Variants in CTNNA2 observed in about 807,000 individuals in gnomAD.
CTNNA2 encodes the protein catenin alpha 2, also known as catenin alpha-2.
A neutral mutation model predicts 101.0 loss-of-function variants in CTNNA2; 42 were observed. The ratio of observed to expected loss-of-function variants is 0.42; its 90% confidence interval spans 0.32 to 0.54. The LOEUF is 0.54. Among genes scored for constraint, CTNNA2 ranks in the 20% least tolerant of loss-of-function variants. The pLI is 0.14. For missense variants in CTNNA2, 871 were observed against 1,223.1 expected (o/e 0.71, Z 4.29); for synonymous variants, 450 against 456.4 (o/e 0.99, Z 0.18).
At position 79,471,560 on chromosome 2, in the gene CTNNA2, C is replaced by T. The variant is rs552692683; in HGVS notation, c.-134-33494C>T. On this transcript the variant is annotated intron_variant, in intron 4 of 21. Transcript: ENST00000466387. ...GAGGTTAAGATTTTAACATATCGGC[C>T]GGGTGCAGTGGCTCACGCCTGCAAT... is the stretch of plus-strand genomic sequence containing the variant. 1.6e-4 allele frequency among the ~76,000 whole-genome samples: 25 copies of T among 152,204 alleles called. No individual in the cohort carries two copies. In the East Asian group the frequency reaches 2.9e-3, roughly 18 times the overall value.
At chr2:79,479,826 G>A (rs1671089540) in intron 4 of CTNNA2, among the ~76,000 whole-genome samples, 1 of 152,066 alleles carries the variant, frequency 6.6e-6, no homozygotes, top group African/African-American at 2.4e-5. Context: ...CGGAGGCTGA[G>A]GCAGGAGAAT....
intron 2 of CTNNA2, among the ~76,000 whole-genome samples, chr2:79,735,320 T>C (rs1487676216): frequency 1.3e-5 from 2 of 152,168 alleles, no homozygotes; most frequent in Admixed American, 1.3e-4. Flanking sequence ...AAGGCTGCTG[T>C]ACTTTGTCTT....
At chr2:80,131,011 G>T (rs1702385462) in intron 7 of CTNNA2, among the ~76,000 whole-genome samples, 1 of 151,724 alleles carries the variant, frequency 6.6e-6, no homozygotes, top group Non-Finnish European at 1.5e-5. Context: ...AAAGCATATG[G>T]TTTAGTTCAT....
intron 3 of CTNNA2, among the ~76,000 whole-genome samples, chr2:79,768,309 C>T (rs1219713703): frequency 6.6e-6 from 1 of 151,064 alleles, no homozygotes; most frequent in Non-Finnish European, 1.5e-5. Context: ...AGAAAAGTCT[C>T]ATAGTACCTG....
At chr2:79,387,980 T>C (rs957339297) in intron 4 of CTNNA2, among the ~76,000 whole-genome samples, 2 of 152,058 alleles carry the variant, frequency 1.3e-5, no homozygotes, top group African/African-American at 2.4e-5. Flanking sequence ...AAATAAGACA[T>C]AGACCCTGCA....
intron 7 of CTNNA2, among the ~76,000 whole-genome samples, chr2:79,978,890 A>G (rs1691056409): frequency 1.3e-5 from 2 of 152,194 alleles, no homozygotes; most frequent in African/African-American, 4.8e-5. Flanking sequence ...CCTGCCAGCA[A>G]TGCTCTATTT....
chr2:79,202,547 C>G (rs373563112), intron 2 of CTNNA2, among the ~76,000 whole-genome samples: 2 of 152,182 alleles, frequency 1.3e-5, no homozygotes, highest in South Asian at 4.2e-4. Context: ...TATCAGAAAC[C>G]TAACTCCGTT....
rs1677780650 is a variant in CTNNA2 at position 80,313,334 on chromosome 2, T to C, written c.1057-79877T>C. On this transcript the variant is annotated intron_variant, in intron 7 of 18. Transcript: ENST00000402739. ...TAACATACGTGTTTGCTGCTATTCTTGTTTTTGTTCATTTGTTGTAAGTCA... is the reference window on the plus strand; with the variant it reads ...TAACATACGTGTTTGCTGCTATTCTCGTTTTTGTTCATTTGTTGTAAGTCA... 2.3e-6 allele frequency: 3 copies of C among 1,305,216 alleles called. No individual in the cohort carries two copies. In the East Asian group the frequency reaches 9.2e-5, roughly 40 times the overall value. The allele number at this position is 1,305,216 out of a possible 1,614,324, so 80.9% of individuals were successfully genotyped here. A position where few individuals can be genotyped will look rare whatever the true frequency, so the allele number is the denominator to read the frequency against.
At chr2:79,715,993 T>C (rs1420188483) in intron 2 of CTNNA2, among the ~76,000 whole-genome samples, 1 of 152,006 alleles carries the variant, frequency 6.6e-6, no homozygotes, top group African/African-American at 2.4e-5. Context: ...TCATTGAATT[T>C]TATATACAGC....
intron 1 of CTNNA2, among the ~76,000 whole-genome samples, chr2:79,648,914 C>G (rs1239073492): frequency 6.6e-6 from 1 of 152,144 alleles, no homozygotes; most frequent in Non-Finnish European, 1.5e-5. Context: ...ACCGTGTAAC[C>G]TTTTCTTTGC....
At position 80,372,729 on chromosome 2, in the gene CTNNA2, A is replaced by G. The variant is rs1206144150; in HGVS notation, c.1057-20482A>G. On this transcript the variant is annotated intron_variant, in intron 7 of 18. Coordinates refer to ENST00000402739, the MANE Select transcript of CTNNA2 (RefSeq NM_001282597.3). ...CCACGTTACTTCTCAGTCAATTTGC[A>G]TTGTATCTGTATCATAGCATTTGTC... is the stretch of plus-strand genomic sequence containing the variant. Among the ~76,000 whole-genome samples the G allele has an allele frequency of 2.0e-5, 3 of 149,290 alleles. 1 individual carries two copies. The highest frequency in any genetic ancestry group is 4.2e-4 in the South Asian group (2 of 4,738).
intron 5 of CTNNA2, among the ~76,000 whole-genome samples, chr2:79,872,681 A>G (rs1199038068): frequency 6.6e-6 from 1 of 152,208 alleles, no homozygotes; most frequent in African/African-American, 2.4e-5. Context: ...TTTCGTGACA[A>G]TCTTAGATAT....
chr2:80,387,944 G>A (rs549165912), intron 7 of CTNNA2, among the ~76,000 whole-genome samples: 2 of 152,222 alleles, frequency 1.3e-5, no homozygotes, highest in African/African-American at 4.8e-5. Context: ...TTTTAATAAC[G>A]ATATTTATTA....
In CTNNA2 at chr2:79,205,936, G is replaced by A. The variant is rs184596959; in HGVS notation, c.-406+7860G>A. 1.3e-3 allele frequency among the ~76,000 whole-genome samples: 196 copies of A among 152,118 alleles called. 1 individual carries two copies. Among genetic ancestry groups the A allele is most frequent in the Non-Finnish European group, 2.0e-3 (138 of 68,008 alleles). ...TTTCCTGCACAGGTTTTGAATGCTCGGCCCTTTCTTGCTTTTTTCCCATTA... is the reference window on the plus strand; with the variant it reads ...TTTCCTGCACAGGTTTTGAATGCTCAGCCCTTTCTTGCTTTTTTCCCATTA... On this transcript the variant is annotated intron_variant, in intron 2 of 21. Coordinates refer to the CTNNA2 transcript ENST00000466387.
chr2:80,629,548 G>T (rs1273505895), intron 18 of CTNNA2, among the ~76,000 whole-genome samples: 3 of 152,112 alleles, frequency 2.0e-5, no homozygotes, highest in Non-Finnish European at 4.4e-5. Flanking sequence ...ACTGGTCTAG[G>T]AAGTGGAGGA....
intron 18 of CTNNA2, among the ~76,000 whole-genome samples, chr2:80,645,436 C>T (rs115466809): frequency 0.016 from 2,412 of 152,186 alleles, 35 homozygotes; most frequent in Middle Eastern, 0.044. Flanking sequence ...TTGTGTATGA[C>T]GGAAGTCCTG....
At chr2:79,742,320 C>G (rs1389023081) in intron 2 of CTNNA2, among the ~76,000 whole-genome samples, 1 of 151,880 alleles carries the variant, frequency 6.6e-6, no homozygotes, top group Non-Finnish European at 1.5e-5. Flanking sequence ...TAGCTCCTCT[C>G]CACCCTATTT....
At chr2:80,176,599 G>T (rs139212522) in intron 7 of CTNNA2, among the ~76,000 whole-genome samples, 2 of 152,136 alleles carry the variant, frequency 1.3e-5, no homozygotes, top group East Asian at 1.9e-4. Flanking sequence ...TTCCTGTAGG[G>T]TCTATGTCAT....
intron 2 of CTNNA2, among the ~76,000 whole-genome samples, chr2:79,209,923 C>T (rs542703001): frequency 3.4e-4 from 52 of 151,694 alleles, no homozygotes; most frequent in African/African-American, 1.2e-3. Context: ...TAAAGTCTCT[C>T]TTTTGCCTGA....
Sources: allele counts gnomAD v4.1 joint callset (sites outside exome capture counted in the v4.1 genomes callset), GRCh38; gene constraint gnomAD v4.1.1; transcripts MANE v1.5; gene names NCBI Gene and HGNC (gene_info 2026-07-23, HGNC 2026-07-21).